ZC3H12B: variants seen among roughly 807,000 people sequenced by gnomAD.
The protein encoded by ZC3H12B is zinc finger CCCH-type containing 12B.
Under a neutral mutation model 43.9 loss-of-function variants are expected in ZC3H12B, and 7 were observed. That is an observed-to-expected ratio of 0.16 (90% confidence interval 0.09 to 0.30). The LOEUF is 0.30. Among genes scored for constraint, ZC3H12B ranks in the 10% least tolerant of loss-of-function variants. The pLI is 1.00. For missense variants in ZC3H12B, 475 were observed against 670.2 expected, an observed-to-expected ratio of 0.71 and a Z score of 3.22; for synonymous variants, 222 against 241.7, an observed-to-expected ratio of 0.92 and a Z score of 0.76.
At chrX:65,474,615 T>TA (rs888294584) in intron 3 of ZC3H12B, among the ~76,000 whole-genome samples, 9 of 106,562 alleles carry the variant, frequency 8.4e-5, no homozygotes, top group Middle Eastern at 5.1e-3. Flanking sequence ...CTTCCATATA[T>TA]TTTTTTTTTT....
At chrX:65,167,351 G>T in the ZC3H12B span, among the ~76,000 whole-genome samples, 1 of 111,535 alleles carries the variant, frequency 9.0e-6, no homozygotes. Context: ...TCAGATGTTT[G>T]TAGATGTGTG....
At chrX:65,045,376 A>G in the ZC3H12B span, among the ~76,000 whole-genome samples, 7 of 112,110 alleles carry the variant, frequency 6.2e-5, no homozygotes, top group South Asian at 2.6e-3. Context: ...TTTATCAAAA[A>G]CGTTTATGTA....
At chrX:65,138,245 CT>C in the ZC3H12B span, among the ~76,000 whole-genome samples, 1 of 111,903 alleles carries the variant, frequency 8.9e-6, no homozygotes, top group Non-Finnish European at 1.9e-5. Context: ...TCCCTTTCCC[CT>C]CCACCCCTAA....
chrX:65,420,986 C>A lies in ZC3H12B; in HGVS notation n.407+22282C>A, dbSNP rs745944751. Among the ~76,000 whole-genome samples the A allele has an allele frequency of 1.8e-5, 2 of 112,284 alleles. 1 individual carries two copies. The highest frequency in any genetic ancestry group is 1.9e-4 in the Admixed American group (2 of 10,628). ...GTTTGCTTTCAGCTGAGAAAGCCAGCAATACACCTTGACTGTCCTATCTTA... is the reference window on the plus strand; with the variant it reads ...GTTTGCTTTCAGCTGAGAAAGCCAGAAATACACCTTGACTGTCCTATCTTA... On this transcript the variant is annotated intron_variant and non_coding_transcript_variant, in intron 3 of 5. Coordinates refer to the ZC3H12B transcript ENST00000617377.
chrX:65,374,072 A>G (rs1424789488), intron 2 of ZC3H12B, among the ~76,000 whole-genome samples: 1 of 63,505 alleles, frequency 1.6e-5, no homozygotes, highest in Non-Finnish European at 2.5e-5. Context: ...TATACAGTAT[A>G]TATAACTATA....
the ZC3H12B span, among the ~76,000 whole-genome samples, chrX:65,050,932 C>T: frequency 1.8e-5 from 2 of 111,322 alleles, no homozygotes; most frequent in Admixed American, 9.5e-5. Flanking sequence ...GTAATGCTGT[C>T]TTCATAAAAG....
At chrX:65,227,641 C>T in the ZC3H12B span, among the ~76,000 whole-genome samples, 4 of 110,754 alleles carry the variant, frequency 3.6e-5, no homozygotes, top group Admixed American at 3.8e-4. Flanking sequence ...GCTAGCAAGA[C>T]TAATAAAGAA....
the ZC3H12B span, among the ~76,000 whole-genome samples, chrX:65,137,592 G>T: frequency 9.0e-6 from 1 of 111,676 alleles, no homozygotes; most frequent in Non-Finnish European, 1.9e-5. Flanking sequence ...TAAAAACAAT[G>T]GATCAAAATC....
chrX:65,461,768 G>A (rs1299117068), intron 3 of ZC3H12B, among the ~76,000 whole-genome samples: 1 of 110,418 alleles, frequency 9.1e-6, no homozygotes, highest in Non-Finnish European at 1.9e-5. Context: ...TGTGTTAATG[G>A]GTGTAGCACA....
the ZC3H12B span, among the ~76,000 whole-genome samples, chrX:65,143,170 G>C: frequency 9.0e-6 from 1 of 111,396 alleles, no homozygotes; most frequent in East Asian, 2.8e-4. Flanking sequence ...TGTCATCCGT[G>C]ATTTCTTTCA....
chrX:65,306,181 A>G, the ZC3H12B span, among the ~76,000 whole-genome samples: 1 of 112,068 alleles, frequency 8.9e-6, no homozygotes, highest in East Asian at 2.8e-4. Context: ...ATAGAAATGA[A>G]CTTTTTGTTA....
chrX:65,207,919 A>G, the ZC3H12B span, among the ~76,000 whole-genome samples: 1 of 12,449 alleles, frequency 8.0e-5, no homozygotes, highest in African/African-American at 3.9e-4. Context: ...ATTCCTAGGT[A>G]TTTTATTCTC....
intron 3 of ZC3H12B, among the ~76,000 whole-genome samples, chrX:65,399,886 G>A (rs1022660041): frequency 9.0e-6 from 1 of 111,640 alleles, no homozygotes; most frequent in Non-Finnish European, 1.9e-5. Flanking sequence ...CAACAACATG[G>A]ATGGAACTGG....
the ZC3H12B span, among the ~76,000 whole-genome samples, chrX:65,227,449 A>G: frequency 9.0e-6 from 1 of 111,174 alleles, no homozygotes; most frequent in African/African-American, 3.3e-5. Flanking sequence ...CAAAATTGAC[A>G]CCCTAACATC....
chrX:65,173,912 G>T, the ZC3H12B span, among the ~76,000 whole-genome samples: 2 of 111,103 alleles, frequency 1.8e-5, no homozygotes, highest in Non-Finnish European at 3.8e-5. Flanking sequence ...ATGACCTTTG[G>T]ATGGGGTTCT....
the ZC3H12B span, among the ~76,000 whole-genome samples, chrX:65,043,315 A>G: frequency 1.8e-5 from 2 of 110,943 alleles, no homozygotes; most frequent in Non-Finnish European, 3.8e-5. Context: ...AGCAAAGTAG[A>G]GCACATTTGC....
chrX:65,122,430 A>C, the ZC3H12B span, among the ~76,000 whole-genome samples: 1 of 111,444 alleles, frequency 9.0e-6, no homozygotes, highest in Non-Finnish European at 1.9e-5. Context: ...CTGCAAAAAC[A>C]TGCCAAATTG....
At chrX:65,084,466 TAAA>T in the ZC3H12B span, among the ~76,000 whole-genome samples, 1 of 112,301 alleles carries the variant, frequency 8.9e-6, no homozygotes, top group African/African-American at 3.2e-5. Flanking sequence ...AGGCATTTCT[TAAA>T]AGAAGACATA....
the ZC3H12B span, among the ~76,000 whole-genome samples, chrX:65,089,617 T>G: frequency 8.9e-6 from 1 of 112,235 alleles, no homozygotes; most frequent in East Asian, 2.8e-4. Flanking sequence ...TAATCTTAGC[T>G]TAGTATAACA....
Sources: gnomAD v4.1 joint callset for allele counts (sites outside exome capture counted in the v4.1 genomes callset) on GRCh38, gnomAD v4.1.1 for gene constraint, MANE v1.5 for transcripts, NCBI Gene and HGNC (gene_info 2026-07-23, HGNC 2026-07-21) for gene names.